The following ZNF541 variants were observed in gnomAD, a reference collection of about 807,000 sequenced individuals.
ZNF541 encodes zinc finger protein 541.
In ZNF541, 23 loss-of-function variants were observed where a neutral mutation model predicts 123.5. The observed-to-expected ratio is 0.19, with a 90% CI of 0.13 to 0.26. The LOEUF is 0.26. Among genes scored for constraint, ZNF541 ranks in the 10% least tolerant of loss-of-function variants. The pLI, the probability that ZNF541 is intolerant of heterozygous loss-of-function variation, is 1.00. For synonymous variants in ZNF541, 751 were observed against 754.5 expected (o/e 1.00, Z 0.08); for missense variants, 1,612 against 1,789.9 (o/e 0.90, Z 1.79).
intron 8 of ZNF541, among the ~76,000 whole-genome samples, chr19:47,538,898 C>T (rs1006488353): frequency 1.3e-5 from 2 of 152,228 alleles, no homozygotes; most frequent in African/African-American, 2.4e-5. Context: ...AGAGACAAGC[C>T]CTACGAGACT....
rs962826176 is a variant in ZNF541, at chr19:47,548,456, A to G, written c.548+789T>C. On this transcript the variant is annotated intron_variant, in intron 4 of 16. Transcript: ENST00000391901. ...AGACTCCATCTCAAAAAAAAAAAAAAAAAAAGAAAAAAAAAGAAAAACAAG... is the reference window on the plus strand; with the variant it reads ...AGACTCCATCTCAAAAAAAAAAAAAGAAAAAGAAAAAAAAAGAAAAACAAG... 3.2e-3 allele frequency among the ~76,000 whole-genome samples: 481 copies of G among 150,640 alleles called. 3 individuals are homozygous for G. The highest frequency in any genetic ancestry group is 0.011 in the African/African-American group (452 of 40,602).
At chr19:47,533,016 G>C in intron 9 of ZNF541, 44 bp from the exon 10 acceptor site, 1 of 1,526,810 alleles carries the variant, frequency 6.5e-7, no homozygotes, top group Non-Finnish European at 8.8e-7. Flanking sequence ...CAGACAGCAG[G>C]TAACCGACAG....
At chr19:47,550,417 GAAAA>G (rs1424892976) in intron 3 of ZNF541, among the ~76,000 whole-genome samples, 1 of 150,460 alleles carries the variant, frequency 6.6e-6, no homozygotes, top group Admixed American at 6.6e-5. Context: ...AGAAAGGAAA[GAAAA>G]AGAAAAAGAA....
intron 2 of ZNF541, among the ~76,000 whole-genome samples, chr19:47,567,804 T>A (rs944371937): frequency 2.6e-5 from 4 of 152,198 alleles, no homozygotes; most frequent in African/African-American, 9.6e-5. Context: ...TCTGGAGGCA[T>A]CTGAGTTTAT....
chr19:47,548,871 T>G (rs1273522226), intron 4 of ZNF541, among the ~76,000 whole-genome samples: 5 of 150,734 alleles, frequency 3.3e-5, no homozygotes, highest in African/African-American at 9.7e-5. Flanking sequence ...AGGTCAGGAG[T>G]TCAAGATCAG....
At chr19:47,524,291 T>TA (rs1367335264) in intron 14 of ZNF541, among the ~76,000 whole-genome samples, 2 of 152,202 alleles carry the variant, frequency 1.3e-5, no homozygotes, top group African/African-American at 2.4e-5. Context: ...AGACGCAGGA[T>TA]AACACGGCAC....
intron 2 of ZNF541, among the ~76,000 whole-genome samples, chr19:47,563,067 TAATAGAACCTCTGCACCTGC>T (rs780972993): frequency 5.4e-4 from 82 of 152,334 alleles, no homozygotes; most frequent in Non-Finnish European, 7.6e-4. Context: ...TGTTGATATG[TAATAGAACCTCTGCACCTGC>T]AATGTCTGCA....
chr19:47,529,169 A>C (rs1455493100), intron 13 of ZNF541, 131 bp from the exon 14 acceptor site: 2 of 699,510 alleles, frequency 2.9e-6, no homozygotes, highest in African/African-American at 3.6e-5. Context: ...CTCATAAAAA[A>C]CTCAAAAAGT....
Position 47,539,716 on chromosome 19 carries a change from T to G in ZNF541, c.2785A>C (p.Ser929Arg). The change falls in exon 8 of 17, where the codon AGC becomes CGC. Residue 929 changes from serine (S) to arginine (R), a missense_variant. By Grantham distance (110) the Ser-to-Arg change is moderately radical. Coordinates refer to ENST00000391901, the MANE Select transcript of ZNF541 (RefSeq NM_001277075.3). ...PVVPVTRHIG[S>R]MAMGQEKDGE... ...CGACAAGCACCCACCATGGCCATGC[T>G]CCCTATGTGTCGGGTCACTGGAACC... The G allele has an allele frequency of 7.0e-7, 1 of 1,424,862 alleles. No homozygotes were observed. Among genetic ancestry groups the G allele is most frequent in the Non-Finnish European group, 9.2e-7 (1 of 1,092,316 alleles). The allele number at this position is 1,424,862 out of a possible 1,614,324, so 88.3% of individuals were successfully genotyped here.
At chr19:47,526,394 A>G (rs957662414) in intron 14 of ZNF541, among the ~76,000 whole-genome samples, 1 of 150,488 alleles carries the variant, frequency 6.6e-6, no homozygotes, top group African/African-American at 2.5e-5. Context: ...AGGCAGGAGC[A>G]TCGCTTGAAC....
chr19:47,541,227 G>A (rs551377875), intron 5 of ZNF541, among the ~76,000 whole-genome samples: 1 of 152,138 alleles, frequency 6.6e-6, no homozygotes. Flanking sequence ...AGACCAGCCT[G>A]GGCAACATGG....
At chr19:47,523,529 T>TA (rs1269308113) in intron 14 of ZNF541, among the ~76,000 whole-genome samples, 3 of 151,668 alleles carry the variant, frequency 2.0e-5, no homozygotes, top group East Asian at 1.9e-4. Flanking sequence ...TCACTAAGTT[T>TA]AAAAAAAAGT....
At chr19:47,528,475 C>G (rs1473108688) in intron 14 of ZNF541, among the ~76,000 whole-genome samples, 1 of 151,620 alleles carries the variant, frequency 6.6e-6, no homozygotes, top group African/African-American at 2.4e-5. Context: ...CACCACCATG[C>G]CCGGCTAATT....
intron 5 of ZNF541, among the ~76,000 whole-genome samples, chr19:47,542,093 C>G (rs1370381717): frequency 6.6e-6 from 1 of 152,124 alleles, no homozygotes; most frequent in Non-Finnish European, 1.5e-5. Context: ...CACGGATGAG[C>G]CTGGAAAACG....
intron 4 of ZNF541, 89 bp from the exon 5 acceptor site, chr19:47,546,069 G>T: frequency 8.5e-7 from 1 of 1,171,548 alleles, no homozygotes. Flanking sequence ...AAAGTCTGTG[G>T]TACAGTTGCA....
chr19:47,565,917 C>G (rs1971243610), intron 2 of ZNF541, among the ~76,000 whole-genome samples: 1 of 152,174 alleles, frequency 6.6e-6, no homozygotes, highest in Non-Finnish European at 1.5e-5. Flanking sequence ...TGGCTCACGT[C>G]TGTAATCCCA....
intron 14 of ZNF541, among the ~76,000 whole-genome samples, chr19:47,525,651 C>T (rs558723340): frequency 5.3e-5 from 8 of 152,296 alleles, no homozygotes; most frequent in Middle Eastern, 3.4e-3. Context: ...AGGTGGCTCA[C>T]GCCTGTAATC....
Position 47,555,679 on chromosome 19 carries a change from T to C in ZNF541, c.178A>G (p.Thr60Ala), listed in dbSNP as rs1480252260. 3.2e-6 allele frequency: 5 copies of C among 1,551,542 alleles called. No homozygotes were observed. Among genetic ancestry groups the C allele is most frequent in the South Asian group, 1.2e-5 (1 of 84,062 alleles). The change falls in exon 3 of 17, where the codon ACG (threonine) becomes GCG (alanine). Residue 60 changes from threonine (T) to alanine (A), a missense_variant. Physicochemically the swap from Thr to Ala is moderately conservative, Grantham distance 58. This residue lies in a region of ZNF541 where 212 missense variants were observed against 289.6 expected (regional missense o/e 0.73). Transcript: ENST00000391901. Reference sequence around the variant, plus strand: ...AGCACCTCGCTGGACATGTCAGGCGTTGGGAGGCTGGGGTCCGGGTCCAGA... The same window carrying C: ...AGCACCTCGCTGGACATGTCAGGCGCTGGGAGGCTGGGGTCCGGGTCCAGA... ...SGLDPDPSLP[T>A]PDMSSEVLED...
chr19:47,526,481 C>CAA (rs71180847), intron 14 of ZNF541, among the ~76,000 whole-genome samples: 5 of 34,876 alleles, frequency 1.4e-4, no homozygotes, highest in South Asian at 8.5e-4. Context: ...GACTCCATCT[C>CAA]AAAAAAAAAA....
Sources: allele counts gnomAD v4.1 joint callset (sites outside exome capture counted in the v4.1 genomes callset), GRCh38; gene constraint gnomAD v4.1.1; regional missense constraint gnomAD v4.1.1; transcripts MANE v1.5; gene names NCBI Gene and HGNC (gene_info 2026-07-23, HGNC 2026-07-21).